EIF2B3: variants seen among roughly 807,000 people sequenced by gnomAD.
EIF2B3 encodes translation initiation factor eIF2B subunit gamma.
EIF2B3 carries 20 observed loss-of-function variants against 54.1 expected under a neutral mutation model. The ratio of observed to expected loss-of-function variants is 0.37; its 90% CI spans 0.26 to 0.54. The LOEUF (loss-of-function observed/expected upper bound fraction) is 0.54. EIF2B3 is among the 20% of genes least tolerant of loss of function. The pLI is 0.86. For missense variants in EIF2B3, 448 were observed against 547.8 expected, an observed-to-expected ratio of 0.82 and a Z score of 1.82; for synonymous variants, 153 against 188.1, an observed-to-expected ratio of 0.81 and a Z score of 1.52.
intron 4 of EIF2B3, among the ~76,000 whole-genome samples, chr1:44,941,043 C>G (rs183752550): frequency 9.3e-4 from 141 of 151,874 alleles, no homozygotes; most frequent in Non-Finnish European, 1.8e-3. Context: ...CACGCCACCA[C>G]GCCCAGCTAA....
intron 3 of EIF2B3, among the ~76,000 whole-genome samples, chr1:44,945,573 C>T (rs1412499701): frequency 3.0e-5 from 4 of 134,130 alleles, no homozygotes; most frequent in Non-Finnish European, 6.3e-5. Context: ...AAAAAAGTTC[C>T]CATAAACATC....
intron 10 of EIF2B3, among the ~76,000 whole-genome samples, chr1:44,858,040 AAAG>A (rs2148893332): frequency 6.6e-6 from 1 of 152,074 alleles, no homozygotes; most frequent in East Asian, 1.9e-4. Flanking sequence ...TAAGGCCTGA[AAAG>A]AAGATATTCT....
At position 44,919,208 on chromosome 1, in the gene EIF2B3, G is replaced by C. The variant is rs1643687404; in HGVS notation, c.566+7420C>G. ...ATTAAAAATACAAAAAAATTAGCTGGGCGTGGTGGCACACGCCTGTAATCC... is the reference window on the plus strand; with the variant it reads ...ATTAAAAATACAAAAAAATTAGCTGCGCGTGGTGGCACACGCCTGTAATCC... On this transcript the variant is annotated intron_variant, in intron 5 of 11. Coordinates refer to ENST00000360403, the MANE Select transcript of EIF2B3 (RefSeq NM_020365.5). Among the ~76,000 whole-genome samples, 3 of 152,012 alleles carry C rather than the reference G, an allele frequency of 2.0e-5. No individual in the cohort carries two copies. The South Asian group carries it at 6.2e-4, about 32-fold the overall frequency.
At chr1:44,910,577 G>A (rs1032304384) in intron 5 of EIF2B3, among the ~76,000 whole-genome samples, 13 of 150,878 alleles carry the variant, frequency 8.6e-5, no homozygotes, top group Non-Finnish European at 1.8e-4. Context: ...TATTCTAACA[G>A]GTGTCTTTGA....
At chr1:44,917,956 G>A (rs1400994599) in intron 5 of EIF2B3, among the ~76,000 whole-genome samples, 1 of 149,454 alleles carries the variant, frequency 6.7e-6, no homozygotes, top group African/African-American at 2.5e-5. Context: ...TGTATTTTTA[G>A]TAGAGACGGG....
At chr1:44,865,740 G>A (rs372102937) in intron 10 of EIF2B3, among the ~76,000 whole-genome samples, 1 of 151,916 alleles carries the variant, frequency 6.6e-6, no homozygotes, top group African/African-American at 2.4e-5. Flanking sequence ...GCGCCACCAC[G>A]CCCGAGTAAT....
At chr1:44,869,823 C>T (rs1162627323) in intron 10 of EIF2B3, among the ~76,000 whole-genome samples, 2 of 151,886 alleles carry the variant, frequency 1.3e-5, no homozygotes, top group African/African-American at 4.8e-5. Flanking sequence ...TTCAGTTTGG[C>T]AGTCTGACTC....
intron 3 of EIF2B3, among the ~76,000 whole-genome samples, chr1:44,954,132 A>G (rs1252573814): frequency 6.6e-6 from 1 of 152,246 alleles, no homozygotes; most frequent in Non-Finnish European, 1.5e-5. Context: ...ATAGTTCTTC[A>G]TATCTATGCA....
At chr1:44,952,622 G>A (rs1194856645) in intron 3 of EIF2B3, among the ~76,000 whole-genome samples, 3 of 148,096 alleles carry the variant, frequency 2.0e-5, no homozygotes, top group African/African-American at 7.5e-5. Context: ...GCGTGATGTC[G>A]GCTCACTGCA....
chr1:44,964,669 C>T (rs529786920), intron 3 of EIF2B3, among the ~76,000 whole-genome samples: 151 of 152,262 alleles, frequency 9.9e-4, no homozygotes, highest in African/African-American at 3.5e-3. Flanking sequence ...ATACCTCTAA[C>T]GACTAGTGTG....
At chr1:44,938,622 G>C (rs1242236628) in intron 4 of EIF2B3, among the ~76,000 whole-genome samples, 6 of 151,892 alleles carry the variant, frequency 4.0e-5, no homozygotes, top group South Asian at 4.2e-4. Flanking sequence ...GCTGGGACTA[G>C]AGGCTCACAA....
At chr1:44,867,773 AT>A (rs1466641322) in intron 10 of EIF2B3, among the ~76,000 whole-genome samples, 2 of 151,638 alleles carry the variant, frequency 1.3e-5, no homozygotes, top group Non-Finnish European at 2.9e-5. Context: ...CTTCCCAGTC[AT>A]TAGCCTTGTG....
chr1:44,964,907 C>A (rs1402273564), intron 3 of EIF2B3, among the ~76,000 whole-genome samples: 1 of 152,172 alleles, frequency 6.6e-6, no homozygotes, highest in Admixed American at 6.6e-5. Flanking sequence ...ATATACCTCA[C>A]TAACTTGTTC....
chr1:44,909,469 A>G (rs566730164), intron 5 of EIF2B3, among the ~76,000 whole-genome samples: 2 of 152,288 alleles, frequency 1.3e-5, no homozygotes, highest in African/African-American at 4.8e-5. Context: ...ATCTATAAGG[A>G]AAGCTAAGAA....
At position 44,850,671 on chromosome 1, in the gene EIF2B3, G is replaced by A. The variant is rs1654242228; in HGVS notation, c.*280C>T. ...CTTCCTAGGAGCTTTACATTGGACA[G>A]CTGCTGCCCCACCGATACATCTTGG... On this transcript the variant is annotated 3_prime_UTR_variant, in exon 12 of 12. Transcript: ENST00000360403. 5 of 512,616 alleles carry A rather than the reference G, an allele frequency of 9.8e-6. No individual in the cohort carries two copies. The highest frequency in any genetic ancestry group is 1.4e-5 in the Non-Finnish European group (4 of 285,420). The allele number at this position is 512,616 out of a possible 1,614,324, so 31.8% of individuals were successfully genotyped here.
intron 6 of EIF2B3, among the ~76,000 whole-genome samples, chr1:44,884,356 C>A (rs12139143): frequency 0.18 from 27,193 of 151,936 alleles, 2,696 homozygotes; most frequent in Admixed American, 0.28. Flanking sequence ...CACCACCTCT[C>A]CCAGCCCCCA....
intron 3 of EIF2B3, among the ~76,000 whole-genome samples, chr1:44,946,639 T>TG (rs1478526087): frequency 2.8e-4 from 42 of 150,518 alleles, no homozygotes; most frequent in Non-Finnish European, 5.3e-4. Flanking sequence ...TTTTTTTTTT[T>TG]TTTTGTAGAG....
intron 4 of EIF2B3, among the ~76,000 whole-genome samples, chr1:44,935,261 A>G (rs1384791066): frequency 2.6e-5 from 4 of 152,244 alleles, no homozygotes; most frequent in Non-Finnish European, 5.9e-5. Flanking sequence ...AGGAATGTAC[A>G]GGAAAAAAAG....
intron 7 of EIF2B3, among the ~76,000 whole-genome samples, chr1:44,880,229 G>C (rs1655345801): frequency 6.6e-6 from 1 of 152,160 alleles, no homozygotes; most frequent in Non-Finnish European, 1.5e-5. Flanking sequence ...AGTTTTAAAA[G>C]AGATTACAGC....
Sources: gnomAD v4.1 joint callset for allele counts (sites outside exome capture counted in the v4.1 genomes callset) on GRCh38, gnomAD v4.1.1 for gene constraint, MANE v1.5 for transcripts, NCBI Gene and HGNC (gene_info 2026-07-23, HGNC 2026-07-21) for gene names.